MAT2B: variants seen among roughly 807,000 people sequenced by gnomAD.
MAT2B encodes the protein methionine adenosyltransferase 2 subunit beta.
A neutral mutation model predicts 36.1 loss-of-function variants in MAT2B; 16 were observed. The ratio of observed to expected loss-of-function variants is 0.44; its 90% confidence interval spans 0.30 to 0.67. The LOEUF (loss-of-function observed/expected upper bound fraction) is 0.67, where lower values mean the gene tolerates loss of function less well. Ranked by LOEUF, MAT2B falls within the 30% of genes least tolerant of loss-of-function variation. The probability of loss-of-function intolerance (pLI) is 0.09; values close to 1 mark genes in which losing one functional copy is unlikely to be tolerated. For missense variants in MAT2B, 332 were observed against 398.2 expected, an observed-to-expected ratio of 0.83 and a Z score of 1.42; for synonymous variants, 148 against 136.9, an observed-to-expected ratio of 1.08 and a Z score of -0.57.
intron 5 of MAT2B, chr5:163,516,924 A>G: frequency 3.4e-6 from 2 of 595,476 alleles, no homozygotes; most frequent in East Asian, 2.8e-5. Context: ...CTTATGTACT[A>G]TAGATCCCAT....
At chr5:163,503,160 T>C (rs1358086570), upstream of MAT2B, 1 of 452,238 alleles carries the variant, frequency 2.2e-6, no homozygotes, top group Non-Finnish European at 4.0e-6. Context: ...AAACTTCTCA[T>C]TGGGTATTTT....
intron 4 of MAT2B, among the ~76,000 whole-genome samples, chr5:163,514,868 A>T (rs1404488341): frequency 6.6e-6 from 1 of 152,152 alleles, no homozygotes; most frequent in Non-Finnish European, 1.5e-5. Flanking sequence ...GTCTTAGTTT[A>T]TTTCGTGCTG....
chr5:163,511,236 C>T (rs1363484068), intron 1 of MAT2B, among the ~76,000 whole-genome samples: 1 of 150,078 alleles, frequency 6.7e-6, no homozygotes, highest in Non-Finnish European at 1.5e-5. Context: ...GTGTTCCTTT[C>T]CTTGGGTAAG....
upstream of MAT2B, among the ~76,000 whole-genome samples, chr5:163,504,878 G>T (rs1324441635): frequency 6.6e-6 from 1 of 152,130 alleles, no homozygotes; most frequent in Admixed American, 6.5e-5. Context: ...CCGAGGCGGT[G>T]TTTCTTAAAG....
chr5:163,507,978 A>T (rs998730208), intron 1 of MAT2B, among the ~76,000 whole-genome samples: 3 of 152,208 alleles, frequency 2.0e-5, no homozygotes, highest in Non-Finnish European at 4.4e-5. Context: ...TGCCTTCCCC[A>T]TTTACCAATG....
chr5:163,505,784 CG>C, intron 1 of MAT2B, 35 bp downstream of exon 1: 2 of 1,251,526 alleles, frequency 1.6e-6, no homozygotes, highest in Non-Finnish European at 2.0e-6. Context: ...CCGGTGGGAG[CG>C]GGGGCGCCGA....
intron 1 of MAT2B, among the ~76,000 whole-genome samples, chr5:163,506,493 A>C (rs1759941221): frequency 6.6e-6 from 1 of 152,094 alleles, no homozygotes; most frequent in African/African-American, 2.4e-5. Flanking sequence ...TCCAGCATTA[A>C]TCTGTCCACA....
upstream of MAT2B, among the ~76,000 whole-genome samples, chr5:163,505,077 CAG>C (rs1291857958): frequency 1.3e-5 from 2 of 152,072 alleles, no homozygotes; most frequent in Admixed American, 6.5e-5. Flanking sequence ...ATCTCACACA[CAG>C]GTTTTTTCTT....
intron 5 of MAT2B, chr5:163,517,123 T>A (rs1419965081): frequency 8.1e-6 from 2 of 246,804 alleles, no homozygotes; most frequent in Non-Finnish European, 1.5e-5. Flanking sequence ...ATTAATAGGA[T>A]GACCACAGTT....
intron 4 of MAT2B, among the ~76,000 whole-genome samples, chr5:163,514,748 G>A (rs1237085218): frequency 6.6e-6 from 1 of 152,070 alleles, no homozygotes; most frequent in Admixed American, 6.6e-5. Flanking sequence ...CTGTACTATG[G>A]CCTTGAGAAG....
upstream of MAT2B, among the ~76,000 whole-genome samples, chr5:163,505,212 A>C (rs28364755): frequency 3.6e-4 from 54 of 151,418 alleles, 1 homozygote; most frequent in East Asian, 2.1e-3. Flanking sequence ...ATTATGCTCT[A>C]CCCACCTCCG....
At chr5:163,503,309 C>A, upstream of MAT2B, 1 of 1,283,528 alleles carries the variant, frequency 7.8e-7, no homozygotes, top group Non-Finnish European at 1.1e-6. Flanking sequence ...GCGCTCTCTG[C>A]AGGCAGAAGC....
intron 1 of MAT2B, among the ~76,000 whole-genome samples, chr5:163,509,778 T>C (rs1760009680): frequency 6.6e-6 from 1 of 152,248 alleles, no homozygotes; most frequent in Non-Finnish European, 1.5e-5. Context: ...AGAGCTGTTT[T>C]CTTGCCAAAT....
intron 1 of MAT2B, among the ~76,000 whole-genome samples, chr5:163,509,351 G>A (rs986617464): frequency 6.6e-6 from 1 of 152,070 alleles, no homozygotes; most frequent in African/African-American, 2.4e-5. Context: ...GGCACTTTTT[G>A]TTTTCCTTGT....
At chr5:163,503,382 T>C, upstream of MAT2B, 1 of 1,613,840 alleles carries the variant, frequency 6.2e-7, no homozygotes, top group Non-Finnish European at 8.5e-7. Flanking sequence ...TCTCCTGAAA[T>C]AATTCTGGAG....
intron 1 of MAT2B, among the ~76,000 whole-genome samples, chr5:163,509,515 T>C (rs971035930): frequency 1.3e-5 from 2 of 152,168 alleles, no homozygotes; most frequent in Admixed American, 6.5e-5. Flanking sequence ...CAGACCTTTG[T>C]GATCTAAAAG....
chr5:163,513,232 G>C, intron 2 of MAT2B: 1 of 204,488 alleles, frequency 4.9e-6, no homozygotes, highest in Non-Finnish European at 1.0e-5. Flanking sequence ...CTCAAGCATT[G>C]TCTCACCTCA....
intron 1 of MAT2B, among the ~76,000 whole-genome samples, chr5:163,511,746 T>C (rs1203011776): frequency 6.6e-6 from 1 of 152,160 alleles, no homozygotes; most frequent in Non-Finnish European, 1.5e-5. Context: ...TTGAGATGGG[T>C]CTCATTATGT....
At chr5:163,509,351 G>C (rs986617464) in intron 1 of MAT2B, among the ~76,000 whole-genome samples, 7 of 152,070 alleles carry the variant, frequency 4.6e-5, no homozygotes, top group Non-Finnish European at 7.4e-5. Flanking sequence ...GGCACTTTTT[G>C]TTTTCCTTGT....
Sources: allele counts gnomAD v4.1 joint callset (sites outside exome capture counted in the v4.1 genomes callset), GRCh38; gene constraint gnomAD v4.1.1; transcripts MANE v1.5; gene names NCBI Gene and HGNC (gene_info 2026-07-23, HGNC 2026-07-21).